The following DSCAM variants were observed in gnomAD, a reference collection of about 807,000 sequenced individuals.
The protein encoded by DSCAM is DS cell adhesion molecule.
A neutral mutation model predicts 217.7 loss-of-function variants in DSCAM; 47 were observed. The ratio of observed to expected loss-of-function variants is 0.22; its 90% CI spans 0.17 to 0.28. The LOEUF is 0.28. Ranked by LOEUF, DSCAM falls within the 10% of genes least tolerant of loss-of-function variation. The pLI, the probability that DSCAM is intolerant of heterozygous loss-of-function variation, is 1.00. For synonymous variants in DSCAM, 1,056 were observed against 1,015.3 expected (o/e 1.04, Z -0.76); for missense variants, 2,080 against 2,618.3 (o/e 0.79, Z 4.49).
At chr21:40,525,032 T>G (rs1267871904) in intron 3 of DSCAM, among the ~76,000 whole-genome samples, 1 of 105,198 alleles carries the variant, frequency 9.5e-6, no homozygotes, top group Non-Finnish European at 1.9e-5. Flanking sequence ...AAAAAAAAAA[T>G]CCATTCACAG....
intron 3 of DSCAM, among the ~76,000 whole-genome samples, chr21:40,439,040 T>C (rs1166307525): frequency 6.6e-6 from 1 of 152,204 alleles, no homozygotes; most frequent in Non-Finnish European, 1.5e-5. Flanking sequence ...ACCATTGTCA[T>C]AGGTGCAAGC....
At chr21:40,761,769 A>G (rs1476610362) in intron 1 of DSCAM, among the ~76,000 whole-genome samples, 2 of 152,228 alleles carry the variant, frequency 1.3e-5, no homozygotes, top group African/African-American at 4.8e-5. Context: ...GATCATTTCT[A>G]TAGTTCATTA....
chr21:40,175,380 T>A (rs763387006), intron 15 of DSCAM, among the ~76,000 whole-genome samples: 4 of 152,108 alleles, frequency 2.6e-5, no homozygotes, highest in Non-Finnish European at 5.9e-5. Context: ...TCCCAAAGTG[T>A]TGGGATTATA....
chr21:40,376,628 T>G (rs979568117), intron 3 of DSCAM, among the ~76,000 whole-genome samples: 1 of 145,078 alleles, frequency 6.9e-6, no homozygotes. Flanking sequence ...TATCGATATC[T>G]ATATATCTTA....
intron 20 of DSCAM, among the ~76,000 whole-genome samples, chr21:40,095,572 G>A (rs541269499): frequency 2.0e-4 from 31 of 152,274 alleles, no homozygotes; most frequent in African/African-American, 7.0e-4. Context: ...GACTGCTAAT[G>A]GGCGTGCAGT....
intron 1 of DSCAM, among the ~76,000 whole-genome samples, chr21:40,782,440 C>T (rs1305679750): frequency 6.6e-6 from 1 of 151,970 alleles, no homozygotes; most frequent in East Asian, 1.9e-4. Flanking sequence ...TTTAAAATTA[C>T]CTCCTGGTTG....
chr21:40,019,666 C>T (rs1019053251), intron 32 of DSCAM, among the ~76,000 whole-genome samples: 1 of 152,160 alleles, frequency 6.6e-6, no homozygotes, highest in African/African-American at 2.4e-5. Flanking sequence ...GTGCTTTGAA[C>T]TCCAGGGTCA....
At chr21:40,259,342 C>CT (rs1372094019) in intron 11 of DSCAM, among the ~76,000 whole-genome samples, 3 of 151,772 alleles carry the variant, frequency 2.0e-5, no homozygotes, top group Non-Finnish European at 4.4e-5. Flanking sequence ...GCCATAGGGC[C>CT]TTTTCTCTGG....
chr21:40,393,416 A>G (rs777744329), intron 3 of DSCAM, among the ~76,000 whole-genome samples: 1 of 152,212 alleles, frequency 6.6e-6, no homozygotes, highest in Non-Finnish European at 1.5e-5. Flanking sequence ...GGAGGAGAAA[A>G]TACAACGAAA....
At chr21:40,282,610 A>C (rs2073777238) in intron 10 of DSCAM, among the ~76,000 whole-genome samples, 1 of 147,706 alleles carries the variant, frequency 6.8e-6, no homozygotes, top group Non-Finnish European at 1.5e-5. Context: ...AAAAAAAAAA[A>C]AAAAAAAAAA....
chr21:40,357,087 G>A (rs1481208894), intron 4 of DSCAM, among the ~76,000 whole-genome samples: 1 of 152,070 alleles, frequency 6.6e-6, no homozygotes, highest in Non-Finnish European at 1.5e-5. Flanking sequence ...TTCATTAACT[G>A]AAGAATTCTA....
intron 3 of DSCAM, among the ~76,000 whole-genome samples, chr21:40,372,647 T>C (rs910867016): frequency 1.3e-5 from 2 of 152,216 alleles, no homozygotes; most frequent in Non-Finnish European, 2.9e-5. Context: ...TCTGAGCTTG[T>C]CTTTATTAGC....
intron 8 of DSCAM, among the ~76,000 whole-genome samples, chr21:40,318,074 T>C (rs1309432590): frequency 1.3e-5 from 2 of 151,506 alleles, no homozygotes; most frequent in Non-Finnish European, 2.9e-5. Flanking sequence ...CAGTCTATCA[T>C]TGTCGCAAGG....
intron 1 of DSCAM, among the ~76,000 whole-genome samples, chr21:40,794,688 A>G (rs1320036694): frequency 6.6e-6 from 1 of 150,922 alleles, no homozygotes; most frequent in African/African-American, 2.4e-5. Flanking sequence ...GCACTGTGTC[A>G]TGGATCATCA....
intron 3 of DSCAM, among the ~76,000 whole-genome samples, chr21:40,482,484 T>C (rs2075991611): frequency 6.6e-6 from 1 of 152,216 alleles, no homozygotes; most frequent in African/African-American, 2.4e-5. Context: ...AGAGAATTTT[T>C]CAGAATTTTT....
intron 3 of DSCAM, among the ~76,000 whole-genome samples, chr21:40,632,301 T>C (rs1428169531): frequency 1.6e-5 from 2 of 123,570 alleles, no homozygotes; most frequent in Non-Finnish European, 3.1e-5. Context: ...TGTCATTCTG[T>C]AAATAAAAAA....
chr21:40,081,208 C>T (rs2089451189), intron 24 of DSCAM, among the ~76,000 whole-genome samples: 1 of 152,202 alleles, frequency 6.6e-6, no homozygotes, highest in Non-Finnish European at 1.5e-5. Flanking sequence ...CTGTTATCTG[C>T]AGCCATGTTC....
At chr21:40,494,469 A>G (rs1297973353) in intron 3 of DSCAM, among the ~76,000 whole-genome samples, 2 of 152,200 alleles carry the variant, frequency 1.3e-5, no homozygotes, top group Non-Finnish European at 2.9e-5. Context: ...ATACATGGAA[A>G]TTAAACATGT....
At chr21:40,112,421 G>A (rs1168863123) in intron 20 of DSCAM, among the ~76,000 whole-genome samples, 2 of 152,074 alleles carry the variant, frequency 1.3e-5, no homozygotes, top group Non-Finnish European at 2.9e-5. Flanking sequence ...AAGACAGTAT[G>A]TAGAAGGAAA....
Sources: allele counts gnomAD v4.1 joint callset (sites outside exome capture counted in the v4.1 genomes callset), GRCh38; gene constraint gnomAD v4.1.1; transcripts MANE v1.5; gene names NCBI Gene and HGNC (gene_info 2026-07-23, HGNC 2026-07-21).